Variants in NELL1 observed in about 807,000 individuals in gnomAD.
The protein encoded by NELL1 is neural EGFL like 1, also known as protein kinase C-binding protein NELL1.
Under a neutral mutation model 107.4 loss-of-function variants are expected in NELL1, and 76 were observed. That is an observed-to-expected ratio of 0.71 (90% CI 0.59 to 0.86). The LOEUF is 0.86. Ranked by LOEUF, NELL1 falls within the 40% of genes least tolerant of loss-of-function variation. The pLI is 0.00. For missense variants in NELL1, 1,024 were observed against 1,005.5 expected, an observed-to-expected ratio of 1.02 and a Z score of -0.25; for synonymous variants, 353 against 341.2, an observed-to-expected ratio of 1.03 and a Z score of -0.38.
At chr11:21,105,396 G>T (rs531933447) in intron 12 of NELL1, among the ~76,000 whole-genome samples, 28 of 152,212 alleles carry the variant, frequency 1.8e-4, no homozygotes, top group Admixed American at 4.6e-4. Context: ...CAGATGTGGT[G>T]TTTACGTCAC....
chr11:21,117,569 A>G (rs1210852444), intron 13 of NELL1, among the ~76,000 whole-genome samples: 1 of 152,070 alleles, frequency 6.6e-6, no homozygotes, highest in Non-Finnish European at 1.5e-5. Flanking sequence ...GAAAGTATTT[A>G]TCATAGCACT....
chr11:20,790,002 C>T (rs1032750897), intron 3 of NELL1, among the ~76,000 whole-genome samples: 1 of 152,186 alleles, frequency 6.6e-6, no homozygotes, highest in Non-Finnish European at 1.5e-5. Flanking sequence ...TCTGGCTGAG[C>T]CTGGGGCTTA....
At chr11:20,686,816 T>C (rs1854316335) in intron 2 of NELL1, among the ~76,000 whole-genome samples, 1 of 152,256 alleles carries the variant, frequency 6.6e-6, no homozygotes, top group South Asian at 2.1e-4. Context: ...CCTCTCCAAG[T>C]AGAGAAGCTG....
intron 2 of NELL1, among the ~76,000 whole-genome samples, chr11:20,718,465 T>TG (rs1564877866): frequency 2.1e-4 from 10 of 46,810 alleles, no homozygotes; most frequent in Non-Finnish European, 6.6e-4. Flanking sequence ...TTTATTCATT[T>TG]TTTTTTTTTT....
chr11:20,971,246 C>T (rs948942373), intron 12 of NELL1, among the ~76,000 whole-genome samples: 45 of 151,976 alleles, frequency 3.0e-4, no homozygotes, highest in Admixed American at 1.0e-3. Context: ...TTTTGGCTCA[C>T]TTAATAATAT....
intron 2 of NELL1, among the ~76,000 whole-genome samples, chr11:20,727,297 T>C (rs568535774): frequency 6.6e-6 from 1 of 152,308 alleles, no homozygotes; most frequent in Non-Finnish European, 1.5e-5. Flanking sequence ...TTTTAACTGG[T>C]GTGAGATGGT....
At chr11:21,051,772 C>T (rs60447391) in intron 12 of NELL1, among the ~76,000 whole-genome samples, 2,362 of 152,030 alleles carry the variant, frequency 0.016, 58 homozygotes, top group African/African-American at 0.054. Context: ...CACATTCTTT[C>T]ATTCATTCAA....
At chr11:21,512,457 C>G (rs888148232) in intron 15 of NELL1, among the ~76,000 whole-genome samples, 5 of 152,142 alleles carry the variant, frequency 3.3e-5, no homozygotes, top group African/African-American at 9.6e-5. Context: ...TGATTTTATA[C>G]TTACAGTGCT....
intron 12 of NELL1, among the ~76,000 whole-genome samples, chr11:21,039,978 A>G (rs1516762): frequency 0.99 from 151,139 of 152,244 alleles, 75,025 homozygotes; most frequent in East Asian, 1. Flanking sequence ...CTTTTTTACC[A>G]ATACAAAAGT....
intron 5 of NELL1, among the ~76,000 whole-genome samples, chr11:20,901,978 A>G (rs1849884216): frequency 6.6e-6 from 1 of 152,138 alleles, no homozygotes; most frequent in African/African-American, 2.4e-5. Context: ...AAAGCTTCAA[A>G]TATATACCTG....
At chr11:20,806,692 A>G (rs191195407) in intron 3 of NELL1, among the ~76,000 whole-genome samples, 5 of 151,832 alleles carry the variant, frequency 3.3e-5, no homozygotes, top group East Asian at 3.9e-4. Flanking sequence ...TTTCGAAGCT[A>G]TTTTCTAGAT....
chr11:21,087,904 G>T (rs1332287535), intron 12 of NELL1, among the ~76,000 whole-genome samples: 1 of 152,166 alleles, frequency 6.6e-6, no homozygotes, highest in Non-Finnish European at 1.5e-5. Flanking sequence ...TCAGAGACGT[G>T]TTCCAGAAAG....
chr11:20,759,765 G>C (rs1022283507), intron 2 of NELL1, among the ~76,000 whole-genome samples: 1 of 152,198 alleles, frequency 6.6e-6, no homozygotes, highest in Non-Finnish European at 1.5e-5. Flanking sequence ...CAGGTCTTTA[G>C]AGATACTGTT....
intron 3 of NELL1, among the ~76,000 whole-genome samples, chr11:20,799,614 T>C (rs750143280): frequency 2.6e-5 from 4 of 152,136 alleles, no homozygotes; most frequent in Non-Finnish European, 5.9e-5. Flanking sequence ...GTTCACCATT[T>C]GAAGCATTAT....
intron 15 of NELL1, among the ~76,000 whole-genome samples, chr11:21,458,025 G>GATA (rs35187276): frequency 0.7 from 105,842 of 151,626 alleles, 39,042 homozygotes; most frequent in Middle Eastern, 0.84. Flanking sequence ...ATCAGGTGAT[G>GATA]GAGACCAAGG....
At chr11:20,881,523 GTGT>G (rs1293762983) in intron 4 of NELL1, among the ~76,000 whole-genome samples, 4 of 152,150 alleles carry the variant, frequency 2.6e-5, no homozygotes, top group Non-Finnish European at 5.9e-5. Context: ...CCACCTGAGG[GTGT>G]TGTTATGAGG....
At chr11:21,001,842 A>C (rs1852229071) in intron 12 of NELL1, among the ~76,000 whole-genome samples, 1 of 151,428 alleles carries the variant, frequency 6.6e-6, no homozygotes, top group African/African-American at 2.4e-5. Context: ...AGCTAGGGGA[A>C]GACTGTTCAC....
intron 7 of NELL1, among the ~76,000 whole-genome samples, chr11:20,925,373 C>G (rs144204181): frequency 1.5e-4 from 23 of 151,810 alleles, no homozygotes; most frequent in African/African-American, 4.4e-4. Flanking sequence ...CTCTGCCTCC[C>G]AGGTTCAAGA....
chr11:20,881,377 A>T (rs1849403998), intron 4 of NELL1, among the ~76,000 whole-genome samples: 1 of 152,112 alleles, frequency 6.6e-6, no homozygotes. Context: ...ACTGCCCTTC[A>T]TTGCTTGTCT....
Sources: gnomAD v4.1 joint callset for allele counts (sites outside exome capture counted in the v4.1 genomes callset) on GRCh38, gnomAD v4.1.1 for gene constraint, MANE v1.5 for transcripts, NCBI Gene and HGNC (gene_info 2026-07-23, HGNC 2026-07-21) for gene names.